The following SMCO2 variants were observed in gnomAD, a reference collection of about 807,000 sequenced individuals.
SMCO2 encodes the protein single-pass membrane and coiled-coil domain-containing protein 2.
In SMCO2, 25 loss-of-function variants were observed where a neutral mutation model predicts 29.5. The ratio of observed to expected loss-of-function variants is 0.85; its 90% CI spans 0.62 to 1.18. The LOEUF (loss-of-function observed/expected upper bound fraction) is 1.18. Ranked by LOEUF, SMCO2 falls within the 50% of genes most tolerant of loss-of-function variation. The pLI is 0.00. For missense variants in SMCO2, 348 were observed against 344.5 expected (o/e 1.01, Z -0.08); for synonymous variants, 117 against 123.3 (o/e 0.95, Z 0.34).
intron 7 of SMCO2, chr12:27,497,707 T>A (rs1454095207): frequency 1.3e-5 from 2 of 153,442 alleles, no homozygotes; most frequent in African/African-American, 2.8e-5. Context: ...CACTCCAGTT[T>A]GGGTAACAGA....
At chr12:27,447,359 C>T in the SMCO2 span, among the ~76,000 whole-genome samples, 10 of 152,126 alleles carry the variant, frequency 6.6e-5, no homozygotes, top group African/African-American at 2.4e-4. Flanking sequence ...CTGTCACCAC[C>T]GACACACCTC....
upstream of SMCO2, among the ~76,000 whole-genome samples, chr12:27,465,658 A>T (rs954616006): frequency 3.9e-5 from 6 of 152,316 alleles, no homozygotes; most frequent in Admixed American, 3.3e-4. Context: ...TTGAGCACCT[A>T]TTGTGCGTCA....
At chr12:27,464,634 T>C (rs1316039106), upstream of SMCO2, among the ~76,000 whole-genome samples, 1 of 145,078 alleles carries the variant, frequency 6.9e-6, no homozygotes, top group African/African-American at 2.6e-5. Context: ...GGAAGATGGC[T>C]TGAGCCCAGG....
intron 7 of SMCO2, 148 bp downstream of exon 8, chr12:27,496,003 G>A: frequency 1.2e-6 from 1 of 816,924 alleles, no homozygotes; most frequent in Non-Finnish European, 1.7e-6. Context: ...AGTCATTGGA[G>A]TTCATTGGAG....
intron 7 of SMCO2, among the ~76,000 whole-genome samples, chr12:27,499,242 C>CTATT (rs1284943843): frequency 6.6e-6 from 1 of 150,798 alleles, no homozygotes; most frequent in Non-Finnish European, 1.5e-5. Flanking sequence ...ACACAATGAA[C>CTATT]TATTATTCAG....
At chr12:27,473,132 A>G (rs1364346142) in intron 3 of SMCO2, 1 of 372,012 alleles carries the variant, frequency 2.7e-6, no homozygotes, top group African/African-American at 2.1e-5. Context: ...ATTATATGTT[A>G]TTTTTGTCCT....
chr12:27,453,357 G>A, the SMCO2 span, among the ~76,000 whole-genome samples: 3,417 of 152,258 alleles, frequency 0.022, 138 homozygotes, highest in African/African-American at 0.078. Context: ...CTGTGCCGGG[G>A]CATGTGAGTG....
the SMCO2 span, among the ~76,000 whole-genome samples, chr12:27,428,189 TGTTA>T: frequency 1.3e-5 from 2 of 152,224 alleles, no homozygotes; most frequent in African/African-American, 4.8e-5. Flanking sequence ...GTAAATAATT[TGTTA>T]GTTTTACAAA....
intron 3 of SMCO2, 99 bp from the exon 4 acceptor site, chr12:27,474,687 G>A (rs1949569483): frequency 7.2e-7 from 1 of 1,390,946 alleles, no homozygotes; most frequent in Non-Finnish European, 9.8e-7. Context: ...AGGACTATGT[G>A]CTTGACCCCA....
At chr12:27,462,999 C>T (rs1949470146), upstream of SMCO2, among the ~76,000 whole-genome samples, 1 of 152,186 alleles carries the variant, frequency 6.6e-6, no homozygotes, top group South Asian at 2.1e-4. Context: ...GTGGGACAAG[C>T]TGGGACTACA....
At chr12:27,430,635 A>G in the SMCO2 span, among the ~76,000 whole-genome samples, 3 of 152,294 alleles carry the variant, frequency 2.0e-5, no homozygotes, top group African/African-American at 7.2e-5. Flanking sequence ...TACAATCTGA[A>G]TTCTCTTGCG....
chr12:27,494,420 G>A lies in SMCO2; in HGVS notation c.507+64G>A, dbSNP rs1195904327. 4.3e-6 allele frequency: 5 copies of A among 1,172,646 alleles called. No homozygotes were observed. The East Asian group carries it at 1.5e-4, about 36-fold the overall frequency. 72.6% of individuals were successfully genotyped at this position (1,172,646 alleles called of 1,614,324 possible). On this transcript the variant is annotated intron_variant, in intron 6 of 7. Coordinates refer to ENST00000298876, the Ensembl canonical transcript of SMCO2. ...CAGATAATTTATGTCTAAATACAGG[G>A]GTCATTCATTGCCTAGAATATGACG...
chr12:27,482,415 C>T (rs1339950449), intron 4 of SMCO2, among the ~76,000 whole-genome samples: 1 of 152,174 alleles, frequency 6.6e-6, no homozygotes, highest in Non-Finnish European at 1.5e-5. Context: ...ATTTCTCCTG[C>T]TCAGCCTCTC....
intron 6 of SMCO2, among the ~76,000 whole-genome samples, chr12:27,495,140 A>T (rs576373944): frequency 3.9e-5 from 6 of 152,282 alleles, no homozygotes; most frequent in South Asian, 4.1e-4. Flanking sequence ...AGTCCAACTT[A>T]TCCCAACTAT....
chr12:27,491,925 G>C (rs1331556249), intron 5 of SMCO2, among the ~76,000 whole-genome samples: 1 of 151,906 alleles, frequency 6.6e-6, no homozygotes, highest in Non-Finnish European at 1.5e-5. Context: ...GGCCAGGCTG[G>C]TCTTGAACTC....
the SMCO2 span, among the ~76,000 whole-genome samples, chr12:27,427,389 T>C: frequency 6.6e-6 from 1 of 152,152 alleles, no homozygotes; most frequent in African/African-American, 2.4e-5. Context: ...GGACCACACT[T>C]TGAGAACCGC....
intron 5 of SMCO2, among the ~76,000 whole-genome samples, chr12:27,492,116 T>C (rs1293750136): frequency 6.6e-6 from 1 of 152,232 alleles, no homozygotes; most frequent in Non-Finnish European, 1.5e-5. Flanking sequence ...TATATTTATA[T>C]TCTTCCAAAT....
chr12:27,426,121 C>T, the SMCO2 span, among the ~76,000 whole-genome samples: 1 of 152,300 alleles, frequency 6.6e-6, no homozygotes, highest in South Asian at 2.1e-4. Context: ...CTGGACTCTC[C>T]TCTTCCCCAG....
upstream of SMCO2, among the ~76,000 whole-genome samples, chr12:27,464,207 T>C (rs1949479427): frequency 6.6e-6 from 1 of 152,160 alleles, no homozygotes; most frequent in South Asian, 2.1e-4. Context: ...AACACGGGAA[T>C]ATTTTGAATG....
Sources: gnomAD v4.1 joint callset for allele counts (sites outside exome capture counted in the v4.1 genomes callset) on GRCh38, gnomAD v4.1.1 for gene constraint, MANE v1.5 for transcripts, NCBI Gene and HGNC (gene_info 2026-07-23, HGNC 2026-07-21) for gene names.